DACH2: variants seen among roughly 807,000 people sequenced by gnomAD.
The protein encoded by DACH2 is dachshund family transcription factor 2.
In DACH2, 17 loss-of-function variants were observed where a neutral mutation model predicts 35.8. The ratio of observed to expected loss-of-function variants is 0.48; its 90% CI spans 0.33 to 0.71. DACH2 has a LOEUF of 0.71. Among genes scored for constraint, DACH2 ranks in the 30% least tolerant of loss-of-function variants. The probability of loss-of-function intolerance (pLI) is 0.02; values close to 1 mark genes in which losing one functional copy is unlikely to be tolerated. For synonymous variants in DACH2, 195 were observed against 177.3 expected (o/e 1.10, Z -0.79); for missense variants, 469 against 472.7 (o/e 0.99, Z 0.07).
chrX:86,441,778 C>T (rs2037166045), intron 2 of DACH2, among the ~76,000 whole-genome samples: 1 of 107,886 alleles, frequency 9.3e-6, no homozygotes. Context: ...GTATGAGTTC[C>T]TCTTTTTTCA....
chrX:86,571,895 C>G (rs1363328991), intron 3 of DACH2, among the ~76,000 whole-genome samples: 1 of 111,169 alleles, frequency 9.0e-6, no homozygotes, highest in Non-Finnish European at 1.9e-5. Context: ...ATATATAGCT[C>G]TCCCTTTAAG....
Position 86,168,985 on chromosome X carries a change from C to T in DACH2, c.488+19877C>T, listed in dbSNP as rs770087008. Among the ~76,000 whole-genome samples the T allele has an allele frequency of 6.3e-5, 7 of 111,159 alleles. No homozygotes were observed. In the East Asian group the frequency reaches 2.0e-3, roughly 32 times the overall value. The stretch of plus-strand genomic sequence containing the variant: ...GTGTTTTTTTGTGTGCTTATTATTA[C>T]CAGTGCATTTTGTACCTTCCAAACC... On this transcript the variant is annotated intron_variant, in intron 1 of 11. Coordinates refer to ENST00000373125, the MANE Select transcript of DACH2 (RefSeq NM_053281.3).
intron 11 of DACH2, 102 bp from the exon 12 acceptor site, chrX:86,832,004 C>T: frequency 1.9e-6 from 1 of 518,299 alleles, no homozygotes; most frequent in Admixed American, 3.7e-5. Flanking sequence ...GAGCCTGTTA[C>T]ATCAGATCAT....
chrX:86,675,135 C>CT (rs748368232), intron 4 of DACH2, among the ~76,000 whole-genome samples: 1 of 111,092 alleles, frequency 9.0e-6, no homozygotes, highest in Non-Finnish European at 1.9e-5. Flanking sequence ...AATTTCACCA[C>CT]TTTTTTATGC....
intron 1 of DACH2, among the ~76,000 whole-genome samples, chrX:86,344,515 T>C (rs942789199): frequency 1.8e-5 from 2 of 110,641 alleles, no homozygotes; most frequent in African/African-American, 6.5e-5. Context: ...TCAACACTTA[T>C]TCTGAAATGT....
chrX:86,483,024 A>G (rs191054895), intron 2 of DACH2, among the ~76,000 whole-genome samples: 1,839 of 107,406 alleles, frequency 0.017, 23 homozygotes, highest in Non-Finnish European at 0.027. Flanking sequence ...GCATTGGGAG[A>G]TAAACCTAAT....
chrX:86,337,655 T>C (rs1442405722), intron 1 of DACH2, among the ~76,000 whole-genome samples: 2 of 112,032 alleles, frequency 1.8e-5, no homozygotes, highest in East Asian at 2.8e-4. Flanking sequence ...CTGGATTAAC[T>C]AATAGGCAAA....
intron 2 of DACH2, among the ~76,000 whole-genome samples, chrX:86,443,705 G>A (rs1028731963): frequency 2.8e-4 from 31 of 110,912 alleles, no homozygotes; most frequent in Admixed American, 2.9e-4. Context: ...TAGTGTGTTT[G>A]GAGTTATTTT....
intron 1 of DACH2, among the ~76,000 whole-genome samples, chrX:86,301,852 G>A (rs1472120488): frequency 9.0e-6 from 1 of 111,475 alleles, no homozygotes; most frequent in Non-Finnish European, 1.9e-5. Context: ...TTTTTCAAAT[G>A]CTATGGTCTA....
intron 2 of DACH2, among the ~76,000 whole-genome samples, chrX:86,484,211 C>G (rs770659065): frequency 9.0e-6 from 1 of 111,528 alleles, no homozygotes; most frequent in South Asian, 3.7e-4. Context: ...ACATTTGCAT[C>G]AAGATTAAGT....
intron 1 of DACH2, among the ~76,000 whole-genome samples, chrX:86,306,083 CCTA>C (rs1281324066): frequency 8.9e-6 from 1 of 111,927 alleles, no homozygotes; most frequent in African/African-American, 3.2e-5. Context: ...ATTTAACAAT[CCTA>C]CTGCTGAATA....
chrX:86,209,518 G>T (rs1711969849), intron 1 of DACH2, among the ~76,000 whole-genome samples: 1 of 111,839 alleles, frequency 8.9e-6, no homozygotes, highest in African/African-American at 3.2e-5. Flanking sequence ...GGCTTTATGT[G>T]ATTTACTGTA....
chrX:86,541,431 T>C (rs761855147), intron 3 of DACH2, among the ~76,000 whole-genome samples: 1 of 111,201 alleles, frequency 9.0e-6, no homozygotes, highest in African/African-American at 3.3e-5. Flanking sequence ...ATGCTTTTGT[T>C]AACCTGGAAT....
chrX:86,610,409 C>CT (rs753980752), intron 3 of DACH2, among the ~76,000 whole-genome samples: 19 of 71,827 alleles, frequency 2.6e-4, no homozygotes, highest in African/African-American at 7.2e-4. Context: ...TTCTTTCTTT[C>CT]TTTCTTTCTT....
At chrX:86,326,488 TAC>T (rs1348429592) in intron 1 of DACH2, among the ~76,000 whole-genome samples, 10 of 83,517 alleles carry the variant, frequency 1.2e-4, no homozygotes, top group East Asian at 4.3e-4. Context: ...AAATTATACA[TAC>T]ACACACACAC....
At chrX:86,761,318 GT>G (rs2041879811) in intron 7 of DACH2, among the ~76,000 whole-genome samples, 1 of 111,550 alleles carries the variant, frequency 9.0e-6, no homozygotes, top group African/African-American at 3.3e-5. Flanking sequence ...TCCTGGGTTA[GT>G]TTGCTGAGGA....
intron 3 of DACH2, among the ~76,000 whole-genome samples, chrX:86,624,060 C>CAAAAAAAAAAAAAAAAAA (rs34140706): frequency 2.8e-5 from 1 of 36,061 alleles, no homozygotes; most frequent in African/African-American, 1.0e-4. Flanking sequence ...AAAAACAAAA[C>CAAAAAAAAAAAAAAAAAA]AAAAAAAAAA....
At chrX:86,562,482 G>C (rs753783949) in intron 3 of DACH2, among the ~76,000 whole-genome samples, 1 of 111,150 alleles carries the variant, frequency 9.0e-6, no homozygotes, top group African/African-American at 3.3e-5. Context: ...TAACCAGACA[G>C]TATATCTAAT....
chrX:86,280,492 CA>C lies in DACH2; in HGVS notation c.489-96327del, dbSNP rs750184336. On this transcript the variant is annotated intron_variant, in intron 1 of 11. Transcript: ENST00000373125. Reference sequence around the variant, plus strand: ...AAGGAGAAACTGGTACTAGTCACTGCAAAAACATACCAAATGGGAAAGACCA... The same window carrying C: ...AAGGAGAAACTGGTACTAGTCACTGCAAAACATACCAAATGGGAAAGACCA... Among the ~76,000 whole-genome samples the C allele has an allele frequency of 1.6e-3, 183 of 111,897 alleles. 1 individual carries two copies. In the Admixed American group the frequency reaches 0.016, roughly 10 times the overall value.
Sources: allele counts gnomAD v4.1 joint callset (sites outside exome capture counted in the v4.1 genomes callset), GRCh38; gene constraint gnomAD v4.1.1; transcripts MANE v1.5; gene names NCBI Gene and HGNC (gene_info 2026-07-23, HGNC 2026-07-21).